HECW2: variants seen among roughly 807,000 people sequenced by gnomAD.
HECW2 encodes E3 ubiquitin-protein ligase HECW2.
Under a neutral mutation model 175.2 loss-of-function variants are expected in HECW2, and 61 were observed. The ratio of observed to expected loss-of-function variants is 0.35; its 90% CI spans 0.28 to 0.43. HECW2 has a LOEUF of 0.43. Among genes scored for constraint, HECW2 ranks in the 20% least tolerant of loss-of-function variants. The probability of loss-of-function intolerance (pLI) is 1.00; values close to 1 mark genes in which losing one functional copy is unlikely to be tolerated. For synonymous variants in HECW2, 671 were observed against 731.0 expected, an observed-to-expected ratio of 0.92 and a Z score of 1.32; for missense variants, 1,524 against 2,000.5, an observed-to-expected ratio of 0.76 and a Z score of 4.54.
intron 1 of HECW2, among the ~76,000 whole-genome samples, chr2:196,529,422 A>C (rs1352682973): frequency 1.3e-5 from 2 of 152,150 alleles, no homozygotes; most frequent in African/African-American, 2.4e-5. Flanking sequence ...GTCTTCCACC[A>C]CTAATTCTCT....
intron 1 of HECW2, among the ~76,000 whole-genome samples, chr2:196,495,273 C>T (rs999418987): frequency 1.3e-5 from 2 of 151,574 alleles, no homozygotes; most frequent in Non-Finnish European, 2.9e-5. Context: ...TCACCATGTT[C>T]GCCAGGCTGG....
chr2:196,290,589 A>G (rs909353153), intron 14 of HECW2: 4 of 152,184 alleles, frequency 2.6e-5, no homozygotes, highest in African/African-American at 7.2e-5. Flanking sequence ...GATTCCAGGT[A>G]AAATCTTGTC....
At chr2:196,250,956 C>A (rs904882224) in intron 19 of HECW2, among the ~76,000 whole-genome samples, 4 of 152,202 alleles carry the variant, frequency 2.6e-5, no homozygotes, top group African/African-American at 9.7e-5. Context: ...TATTACTTCA[C>A]AGAACCTGCT....
intron 28 of HECW2, among the ~76,000 whole-genome samples, chr2:196,208,221 T>C (rs1313872931): frequency 6.6e-6 from 1 of 152,266 alleles, no homozygotes; most frequent in Non-Finnish European, 1.5e-5. Flanking sequence ...ACTTTGCATG[T>C]TATCTCATTT....
At chr2:196,502,542 T>C (rs539276945) in intron 1 of HECW2, among the ~76,000 whole-genome samples, 1 of 152,368 alleles carries the variant, frequency 6.6e-6, no homozygotes, top group East Asian at 1.9e-4. Flanking sequence ...CAATTGATTA[T>C]GCACACTCCA....
In HECW2 at chr2:196,198,642, T is replaced by C. The variant is rs1385860677; in HGVS notation, c.*2635A>G. On this transcript the variant is annotated 3_prime_UTR_variant, in exon 29 of 29. Transcript: ENST00000644978. ...TATGATGTATTAAGAGTGTCTTCTA[T>C]AGTATAAAGAGCATCACTTAAAATA... The C allele has an allele frequency of 2.0e-5, 3 of 152,330 alleles. No individual in the cohort carries two copies. The highest frequency in any genetic ancestry group is 7.2e-5 in the African/African-American group (3 of 41,578). The allele number at this position is 152,330 out of a possible 1,614,324, so 9.4% of individuals were successfully genotyped here. A position where few individuals can be genotyped will look rare whatever the true frequency, so the allele number is the denominator to read the frequency against.
At chr2:196,496,243 G>A (rs1427722850) in intron 1 of HECW2, among the ~76,000 whole-genome samples, 1 of 151,986 alleles carries the variant, frequency 6.6e-6, no homozygotes, top group Non-Finnish European at 1.5e-5. Context: ...GCAGGTGTGT[G>A]CTGTATAAGT....
intron 2 of HECW2, among the ~76,000 whole-genome samples, chr2:196,374,626 A>C (rs1693998965): frequency 6.6e-6 from 1 of 152,206 alleles, no homozygotes; most frequent in Non-Finnish European, 1.5e-5. Context: ...GACATTTGAA[A>C]ATCTTATTTG....
At chr2:196,500,102 T>A (rs1015886134) in intron 1 of HECW2, among the ~76,000 whole-genome samples, 9 of 152,148 alleles carry the variant, frequency 5.9e-5, no homozygotes, top group African/African-American at 2.2e-4. Flanking sequence ...AAAAAAAGAT[T>A]ATATAAACCT....
intron 1 of HECW2, among the ~76,000 whole-genome samples, chr2:196,470,767 A>T (rs1697164480): frequency 6.6e-6 from 1 of 152,154 alleles, no homozygotes; most frequent in Non-Finnish European, 1.5e-5. Context: ...GAAGCTTTAT[A>T]TATGAAAGTT....
intron 28 of HECW2, among the ~76,000 whole-genome samples, chr2:196,207,682 T>A (rs570404355): frequency 1.3e-5 from 2 of 152,368 alleles, no homozygotes; most frequent in Admixed American, 6.5e-5. Context: ...TCTCTCCCTG[T>A]GTTTTAAGGT....
intron 16 of HECW2, among the ~76,000 whole-genome samples, chr2:196,273,195 G>A (rs945583036): frequency 3.3e-5 from 5 of 151,748 alleles, no homozygotes; most frequent in African/African-American, 1.2e-4. Flanking sequence ...AGCCTCCAGA[G>A]TAACTGGGCC....
intron 28 of HECW2, among the ~76,000 whole-genome samples, chr2:196,211,011 C>T (rs968146887): frequency 4.7e-4 from 71 of 152,164 alleles, no homozygotes; most frequent in African/African-American, 1.7e-3. Context: ...GATTAACTGT[C>T]TCCATAAGAC....
chr2:196,412,010 A>T (rs1238156027), intron 2 of HECW2, among the ~76,000 whole-genome samples: 1 of 152,226 alleles, frequency 6.6e-6, no homozygotes, highest in African/African-American at 2.4e-5. Flanking sequence ...ACTCTGTCTT[A>T]AAAAATAAAA....
chr2:196,547,482 G>C (rs536634826), intron 1 of HECW2, among the ~76,000 whole-genome samples: 1 of 152,160 alleles, frequency 6.6e-6, no homozygotes, highest in South Asian at 2.1e-4. Flanking sequence ...TACAAAATAG[G>C]TTGTAGGTGT....
chr2:196,248,591 C>T (rs12470682), intron 19 of HECW2, among the ~76,000 whole-genome samples: 202 of 47,880 alleles, frequency 4.2e-3, no homozygotes, highest in Non-Finnish European at 0.013. Flanking sequence ...GAGAGAGAGA[C>T]AGACAGACAC....
intron 17 of HECW2, 57 bp downstream of exon 17, chr2:196,271,136 T>A: frequency 9.9e-7 from 1 of 1,006,192 alleles, no homozygotes; most frequent in Non-Finnish European, 1.5e-6. Flanking sequence ...TCAGTAAAAC[T>A]AAGATTTAAT....
intron 3 of HECW2, among the ~76,000 whole-genome samples, chr2:196,335,385 C>T (rs954534899): frequency 6.6e-6 from 1 of 152,146 alleles, no homozygotes. Flanking sequence ...AGTGTCACTG[C>T]GAGATGCATT....
At chr2:196,418,548 T>C (rs1281650195) in intron 2 of HECW2, among the ~76,000 whole-genome samples, 3 of 152,166 alleles carry the variant, frequency 2.0e-5, no homozygotes, top group Admixed American at 6.6e-5. Flanking sequence ...ATAATAGATA[T>C]TCTTCATGTC....
Sources: gnomAD v4.1 joint callset for allele counts (sites outside exome capture counted in the v4.1 genomes callset) on GRCh38, gnomAD v4.1.1 for gene constraint, MANE v1.5 for transcripts, NCBI Gene and HGNC (gene_info 2026-07-23, HGNC 2026-07-21) for gene names.